CFAP61: variants seen among roughly 807,000 people sequenced by gnomAD.
CFAP61 encodes cilia- and flagella-associated protein 61.
Under a neutral mutation model 135.6 loss-of-function variants are expected in CFAP61, and 107 were observed. That is an observed-to-expected ratio of 0.79 (90% CI 0.67 to 0.93). CFAP61 has a LOEUF of 0.93. Ranked by LOEUF, CFAP61 falls within the 40% of genes least tolerant of loss-of-function variation. CFAP61 has a pLI of 0.00. For synonymous variants in CFAP61, 575 were observed against 578.5 expected, an observed-to-expected ratio of 0.99 and a Z score of 0.09; for missense variants, 1,507 against 1,556.2, an observed-to-expected ratio of 0.97 and a Z score of 0.53.
intron 2 of CFAP61, among the ~76,000 whole-genome samples, chr20:20,070,257 G>A (rs2045609353): frequency 6.6e-6 from 1 of 152,196 alleles, no homozygotes; most frequent in African/African-American, 2.4e-5. Context: ...TGGGTCAGAT[G>A]ATATTCCAGA....
At chr20:20,218,050 C>G (rs1193113039) in intron 17 of CFAP61, among the ~76,000 whole-genome samples, 3 of 152,170 alleles carry the variant, frequency 2.0e-5, no homozygotes, top group Non-Finnish European at 2.9e-5. Context: ...TCCACTGTCA[C>G]TTTCTCCAAG....
chr20:20,318,776 C>T (rs530433584), intron 25 of CFAP61, among the ~76,000 whole-genome samples: 20 of 152,318 alleles, frequency 1.3e-4, no homozygotes, highest in African/African-American at 4.6e-4. Context: ...GCCCTGAGGC[C>T]AGGGGGCAAG....
intron 10 of CFAP61, among the ~76,000 whole-genome samples, chr20:20,160,459 T>A (rs2053299419): frequency 2.0e-5 from 3 of 152,160 alleles, no homozygotes. Flanking sequence ...AGTACCCCTT[T>A]CTCATGGCTA....
At chr20:20,136,326 C>G (rs1212702429) in intron 8 of CFAP61, among the ~76,000 whole-genome samples, 2 of 152,094 alleles carry the variant, frequency 1.3e-5, no homozygotes, top group African/African-American at 2.4e-5. Context: ...AAACTTGTAT[C>G]CCTATCTCTT....
At chr20:20,285,604 G>A (rs79389148) in intron 22 of CFAP61, among the ~76,000 whole-genome samples, 5,933 of 152,024 alleles carry the variant, frequency 0.039, 378 homozygotes, top group African/African-American at 0.14. Context: ...GATGACTGCA[G>A]CTCACCCTTT....
At chr20:20,073,397 C>T (rs2045856151) in intron 3 of CFAP61, among the ~76,000 whole-genome samples, 1 of 152,200 alleles carries the variant, frequency 6.6e-6, no homozygotes, top group African/African-American at 2.4e-5. Flanking sequence ...CTGAGTCACA[C>T]ACCATCCGAC....
chr20:20,231,881 GAT>G (rs1486601066), intron 18 of CFAP61, among the ~76,000 whole-genome samples: 3 of 152,172 alleles, frequency 2.0e-5, no homozygotes, highest in Non-Finnish European at 2.9e-5. Flanking sequence ...ACATTTAAGT[GAT>G]AGATTTGGAT....
At chr20:20,160,895 T>G (rs1284222955) in intron 10 of CFAP61, among the ~76,000 whole-genome samples, 1 of 152,124 alleles carries the variant, frequency 6.6e-6, no homozygotes, top group Non-Finnish European at 1.5e-5. Flanking sequence ...CTCCTTCACC[T>G]CTTAGGTGGG....
In CFAP61 at chr20:20,360,215, A is replaced by C; in HGVS notation, c.3519A>C (p.Glu1173Asp). The stretch of plus-strand genomic sequence containing the variant: ...CCTCTTACTGTGTTTTACAGGAGGA[A>C]GATCTTCCTTCCATAGAGCAGTTAG... ...LRQILASKEE[E>D]DLPSIEQLAH... is the part of the protein sequence containing the mutation. The change falls in exon 27 of 27, where the codon GAA becomes GAC. Residue 1173 changes from glutamate (E) to aspartate (D), a missense_variant. By Grantham distance (45) the Glu-to-Asp change is conservative (BLOSUM62 2). Coordinates refer to ENST00000245957, the MANE Select transcript of CFAP61 (RefSeq NM_015585.4). The C allele has an allele frequency of 6.2e-7, 1 of 1,612,764 alleles. No homozygotes were observed. Among genetic ancestry groups the C allele is most frequent in the Non-Finnish European group, 8.5e-7 (1 of 1,178,820 alleles).
chr20:20,321,485 T>C (rs1336576824), intron 25 of CFAP61, among the ~76,000 whole-genome samples: 1 of 152,172 alleles, frequency 6.6e-6, no homozygotes, highest in Non-Finnish European at 1.5e-5. Flanking sequence ...AAGCTATAGA[T>C]TTAAGGTAAA....
At chr20:20,266,704 C>G (rs1300879827) in intron 21 of CFAP61, among the ~76,000 whole-genome samples, 2 of 152,162 alleles carry the variant, frequency 1.3e-5, no homozygotes, top group Non-Finnish European at 2.9e-5. Flanking sequence ...TTAAGCTCCT[C>G]CTCACGAATA....
intron 25 of CFAP61, among the ~76,000 whole-genome samples, chr20:20,332,211 C>T (rs940542391): frequency 6.6e-5 from 10 of 152,238 alleles, no homozygotes; most frequent in African/African-American, 2.4e-4. Context: ...CAGCTTCCCA[C>T]CATGGCAAAG....
At chr20:20,082,010 G>A (rs567957506) in intron 6 of CFAP61, among the ~76,000 whole-genome samples, 10 of 152,168 alleles carry the variant, frequency 6.6e-5, no homozygotes, top group Non-Finnish European at 1.5e-4. Context: ...GTTCAGATTC[G>A]AGTTTTGATA....
rs558358995 is a variant in CFAP61, at chr20:20,072,943, C to A, written c.295-1359C>A. Among the ~76,000 whole-genome samples, 159 of 152,122 alleles carry A rather than the reference C, an allele frequency of 1.0e-3. 1 individual carries two copies. Among genetic ancestry groups the A allele is most frequent in the African/African-American group, 3.7e-3 (154 of 41,472 alleles). On this transcript the variant is annotated intron_variant, in intron 3 of 26. Coordinates refer to ENST00000245957, the MANE Select transcript of CFAP61 (RefSeq NM_015585.4). ...TTATCTTTATTCTTTTTTAATGTGT[C>A]TACTAGAAAATTTGAAATGACATTT...
At chr20:20,336,550 A>C (rs1340207171) in intron 25 of CFAP61, among the ~76,000 whole-genome samples, 3 of 152,090 alleles carry the variant, frequency 2.0e-5, no homozygotes, top group Non-Finnish European at 2.9e-5. Flanking sequence ...ACTTAAGCCC[A>C]GGAGTTTGAG....
chr20:20,132,389 C>T (rs1336587576), intron 8 of CFAP61, among the ~76,000 whole-genome samples: 1 of 151,926 alleles, frequency 6.6e-6, no homozygotes. Flanking sequence ...GCATTGCAGT[C>T]AGAGAACCTA....
intron 22 of CFAP61, among the ~76,000 whole-genome samples, chr20:20,285,601 G>C (rs192628770): frequency 3.9e-5 from 6 of 152,084 alleles, no homozygotes; most frequent in Admixed American, 3.3e-4. Context: ...TAAGATGACT[G>C]CAGCTCACCC....
chr20:20,288,888 G>A lies in CFAP61; in HGVS notation c.3076G>A (p.Ala1026Thr). 1 of 1,613,352 alleles carries A rather than the reference G, an allele frequency of 6.2e-7. No individual in the cohort carries two copies. Among genetic ancestry groups the A allele is most frequent in the Non-Finnish European group, 8.5e-7 (1 of 1,179,324 alleles). Residue 1026 changes from alanine to threonine, a missense_variant, in exon 23 of 27, where the codon GCT becomes ACT. Ala to Thr is a moderately conservative substitution (Grantham distance 58, BLOSUM62 0). Transcript: ENST00000245957. Reference sequence around the variant, plus strand: ...CCTTGAGCCTGTGACCGAGCCACCAGCTAATCTTGACCGGCTCATCCCCAT... The same window carrying A: ...CCTTGAGCCTGTGACCGAGCCACCAACTAATCTTGACCGGCTCATCCCCAT... ...PTLEPVTEPP[A>T]NLDRLIPMYK...
Position 20,169,470 on chromosome 20 carries a change from C to CA in CFAP61, c.1385+11dup. ...GGGCTGGATTGCTCAAGTGAGTAGA[C>CA]ACATGTTTGGCCACACAACAATCCA... On this transcript the variant is annotated intron_variant, in intron 13 of 26. Coordinates refer to ENST00000245957, the MANE Select transcript of CFAP61 (RefSeq NM_015585.4). The CA allele has an allele frequency of 3.8e-6, 6 of 1,598,604 alleles. No individual in the cohort carries two copies. Among genetic ancestry groups the CA allele is most frequent in the Non-Finnish European group, 5.1e-6 (6 of 1,170,524 alleles).
Sources: gnomAD v4.1 joint callset for allele counts (sites outside exome capture counted in the v4.1 genomes callset) on GRCh38, gnomAD v4.1.1 for gene constraint, MANE v1.5 for transcripts, NCBI Gene and HGNC (gene_info 2026-07-23, HGNC 2026-07-21) for gene names.